Variants in NECTIN1 observed in about 807,000 individuals in gnomAD.
NECTIN1 encodes nectin cell adhesion molecule 1, also known as nectin-1.
Under a neutral mutation model 48.0 loss-of-function variants are expected in NECTIN1, and 23 were observed. The observed-to-expected ratio is 0.48, with a 90% CI of 0.34 to 0.68. The LOEUF is 0.68. NECTIN1 is among the 30% of genes least tolerant of loss of function. The probability of loss-of-function intolerance (pLI) is 0.01; values close to 1 mark genes in which losing one functional copy is unlikely to be tolerated. For synonymous variants in NECTIN1, 270 were observed against 288.9 expected (o/e 0.93, Z 0.66); for missense variants, 591 against 709.9 (o/e 0.83, Z 1.90).
intron 1 of NECTIN1, among the ~76,000 whole-genome samples, chr11:119,723,134 G>A (rs1346340617): frequency 3.5e-5 from 5 of 144,596 alleles, no homozygotes; most frequent in African/African-American, 5.3e-5. Flanking sequence ...CAGAAGAATC[G>A]CTTGAACCCA....
chr11:119,702,132 G>A (rs895419309), intron 1 of NECTIN1, among the ~76,000 whole-genome samples: 4 of 152,200 alleles, frequency 2.6e-5, no homozygotes, highest in African/African-American at 7.2e-5. Context: ...CTTCCTGTGG[G>A]ACAGTGTTTT....
chr11:119,724,995 G>C (rs1024271012), intron 1 of NECTIN1, among the ~76,000 whole-genome samples: 4 of 152,190 alleles, frequency 2.6e-5, no homozygotes, highest in Non-Finnish European at 5.9e-5. Context: ...CCTCTCTGAG[G>C]TAGGAGGCAT....
At chr11:119,708,917 G>A (rs982859045) in intron 1 of NECTIN1, among the ~76,000 whole-genome samples, 1 of 152,036 alleles carries the variant, frequency 6.6e-6, no homozygotes, top group Admixed American at 6.5e-5. Context: ...CCACGGCTCA[G>A]CGCAGCTGCT....
chr11:119,728,409 C>A, intron 1 of NECTIN1, 66 bp downstream of exon 1: 1 of 1,460,042 alleles, frequency 6.8e-7, no homozygotes, highest in Non-Finnish European at 9.4e-7. Flanking sequence ...TCGTGCCCGC[C>A]ATCCGGCTCC....
intron 5 of NECTIN1, among the ~76,000 whole-genome samples, chr11:119,674,033 C>T (rs377285165): frequency 6.6e-6 from 1 of 152,194 alleles, no homozygotes; most frequent in Non-Finnish European, 1.5e-5. Context: ...GACAACTTCA[C>T]GTGGCTCTTT....
In NECTIN1 at chr11:119,665,202, C is replaced by G; in HGVS notation, c.1099G>C (p.Val367Leu). 1 of 1,607,746 alleles carries G rather than the reference C, an allele frequency of 6.2e-7. No individual in the cohort carries two copies. The highest frequency in any genetic ancestry group is 1.3e-5 in the African/African-American group (1 of 75,040). The change falls in exon 6 of 6, where the codon GTG (valine) becomes CTG (leucine). Residue 367 changes from valine to leucine, a missense_variant. Physicochemically the swap from Val to Leu is conservative, Grantham distance 32. Coordinates refer to ENST00000264025, the MANE Select transcript of NECTIN1 (RefSeq NM_002855.5). This position sits in a 1 kb window ranked among gnomAD's most constrained non-coding sequence, Gnocchi z 5.1. ...ACGATCCCGCCGACCACAATCAACA[C>G]CAGCAGGATGCTCCCCGCCACGCCC... is the stretch of plus-strand genomic sequence containing the variant. ...IGGVAGSILL[V>L]LIVVGGIVVA...
Position 119,672,612 on chromosome 11 carries a change from G to A in NECTIN1, c.1003+2547C>T, listed in dbSNP as rs1864877298. ...CGGGTGTGCCGGTGCCATCCACACAGCCCCCTGAATGCTCAGTCTAACCCA... is the reference window on the plus strand; with the variant it reads ...CGGGTGTGCCGGTGCCATCCACACAACCCCCTGAATGCTCAGTCTAACCCA... On this transcript the variant is annotated intron_variant, in intron 5 of 5. Transcript: ENST00000264025. This position sits in a 1 kb window ranked among gnomAD's most constrained non-coding sequence, Gnocchi z 4.3. 2.0e-5 allele frequency among the ~76,000 whole-genome samples: 3 copies of A among 152,162 alleles called. No homozygotes were observed. The highest frequency in any genetic ancestry group is 2.0e-4 in the Admixed American group (3 of 15,282).
chr11:119,648,274 GTGATGGTGGTGGTGA>G lies in NECTIN1; in HGVS notation c.1004-8277_1004-8263del, dbSNP rs1565376407. ...GATAGAGGTGGTAATAGTGGTGGTG[GTGATGGTGGTGGTGA>G]TGGTGGTGGTGGTGGTGATGGTGGT... is the stretch of plus-strand genomic sequence containing the variant. On this transcript the variant is annotated intron_variant, in intron 5 of 7. Coordinates refer to the NECTIN1 transcript ENST00000341398. Among the ~76,000 whole-genome samples the G allele has an allele frequency of 8.1e-3, 282 of 34,744 alleles. 46 individuals carry two copies. Among genetic ancestry groups the G allele is most frequent in the East Asian group, 0.011 (11 of 964 alleles). The allele number at this position is 34,744 out of a possible 152,430, so 22.8% of individuals were successfully genotyped here.
chr11:119,664,483 G>T lies in NECTIN1; in HGVS notation c.*264C>A. 1 of 1,325,660 alleles carries T rather than the reference G, an allele frequency of 7.5e-7. No individual in the cohort carries two copies. The highest frequency in any genetic ancestry group is 9.6e-7 in the Non-Finnish European group (1 of 1,037,298). The allele number at this position is 1,325,660 out of a possible 1,614,324, so 82.1% of individuals were successfully genotyped here. A position where few individuals can be genotyped will look rare whatever the true frequency, so the allele number is the denominator to read the frequency against. ...CCTACACAGAGGGCAGGCAGGTGGG[G>T]CCCGTAAAGGGAAGATACAGTAACA... On this transcript the variant is annotated 3_prime_UTR_variant, in exon 6 of 6. Transcript: ENST00000264025.
intron 5 of NECTIN1, among the ~76,000 whole-genome samples, chr11:119,650,411 T>C (rs762562638): frequency 6.6e-6 from 1 of 152,186 alleles, no homozygotes; most frequent in Non-Finnish European, 1.5e-5. Context: ...TCTTTCCTCA[T>C]GAGCCCGGCC....
chr11:119,702,669 T>C (rs1042844113), intron 1 of NECTIN1, among the ~76,000 whole-genome samples: 8 of 152,234 alleles, frequency 5.3e-5, no homozygotes, highest in Admixed American at 2.6e-4. Context: ...TTGCAAGCTC[T>C]GTGACTTTTT....
At chr11:119,656,631 G>C (rs1457914367), downstream of NECTIN1, among the ~76,000 whole-genome samples, 1 of 152,258 alleles carries the variant, frequency 6.6e-6, no homozygotes, top group Middle Eastern at 3.4e-3. Context: ...TGGCCAGCTA[G>C]TCTCTGGGTC....
chr11:119,646,960 G>A (rs1410816446), intron 5 of NECTIN1, among the ~76,000 whole-genome samples: 1 of 152,182 alleles, frequency 6.6e-6, no homozygotes, highest in Non-Finnish European at 1.5e-5. Flanking sequence ...TGGTTCCTGA[G>A]GGCAGGGACA....
intron 5 of NECTIN1, among the ~76,000 whole-genome samples, chr11:119,670,252 G>A (rs776896800): frequency 1.2e-4 from 19 of 152,196 alleles, no homozygotes; most frequent in South Asian, 2.1e-4. Flanking sequence ...GAGCCACCAC[G>A]CCCAGCCTAC....
chr11:119,685,470 G>A (rs1865140024), intron 1 of NECTIN1, among the ~76,000 whole-genome samples: 1 of 152,222 alleles, frequency 6.6e-6, no homozygotes, highest in Non-Finnish European at 1.5e-5. Context: ...TGCTGCCCCG[G>A]CGTGGCAGCA....
Position 119,724,260 on chromosome 11 carries a change from G to A in NECTIN1, c.79+4215C>T, listed in dbSNP as rs1308185439. ...CTGCCTCCCTTTGCCCCTCCCAGCCGTTCATGGATCATGAGAACTCGTGGG... is the reference window on the plus strand; with the variant it reads ...CTGCCTCCCTTTGCCCCTCCCAGCCATTCATGGATCATGAGAACTCGTGGG... On this transcript the variant is annotated intron_variant, in intron 1 of 5. Coordinates refer to ENST00000264025, the MANE Select transcript of NECTIN1 (RefSeq NM_002855.5). Among the ~76,000 whole-genome samples the A allele has an allele frequency of 3.9e-5, 6 of 152,156 alleles. No homozygotes were observed. In the East Asian group the frequency reaches 5.8e-4, roughly 15 times the overall value.
chr11:119,727,276 A>T lies in NECTIN1; in HGVS notation c.79+1199T>A, dbSNP rs1048061398. On this transcript the variant is annotated intron_variant, in intron 1 of 5. Transcript: ENST00000264025. The surrounding 1 kb of genome is among the most constrained non-coding windows in gnomAD (Gnocchi z 4.1). ...GCCTGGCCATTCTGCGGCAAAGCAC[A>T]TTGCAGGAACTCGGGATCTAATATT... 1.3e-5 allele frequency among the ~76,000 whole-genome samples: 2 copies of T among 152,198 alleles called. No individual in the cohort carries two copies. The highest frequency in any genetic ancestry group is 2.9e-5 in the Non-Finnish European group (2 of 68,040).
chr11:119,657,329 G>A (rs1395494864), downstream of NECTIN1, among the ~76,000 whole-genome samples: 2 of 152,078 alleles, frequency 1.3e-5, no homozygotes, highest in African/African-American at 2.4e-5. Context: ...AAATACGCCT[G>A]TTAGGGCCAG....
intron 5 of NECTIN1, among the ~76,000 whole-genome samples, chr11:119,647,397 C>G (rs915782976): frequency 2.0e-5 from 3 of 152,032 alleles, no homozygotes; most frequent in Non-Finnish European, 4.4e-5. Context: ...AAGGCCGACT[C>G]TGAACCCCCT....
Sources: gnomAD v4.1 joint callset for allele counts (sites outside exome capture counted in the v4.1 genomes callset) on GRCh38, gnomAD v4.1.1 for gene constraint, Gnocchi (gnomAD v3.1) non-coding constraint, MANE v1.5 for transcripts, NCBI Gene and HGNC (gene_info 2026-07-23, HGNC 2026-07-21) for gene names.